Variants in CSMD1 observed in about 807,000 individuals in gnomAD.
CSMD1 encodes the protein CUB and sushi domain-containing protein 1.
CSMD1 carries 213 observed loss-of-function variants against 417.5 expected under a neutral mutation model. The observed-to-expected ratio is 0.51, with a 90% confidence interval of 0.46 to 0.57. The LOEUF (loss-of-function observed/expected upper bound fraction) is 0.57. Among genes scored for constraint, CSMD1 ranks in the 20% least tolerant of loss-of-function variants. The pLI is 0.00. For synonymous variants in CSMD1, 2,862 were observed against 1,736.8 expected (o/e 1.65, Z -16.11); for missense variants, 6,923 against 4,529.7 (o/e 1.53, Z -15.17).
intron 2 of CSMD1, among the ~76,000 whole-genome samples, chr8:4,525,512 T>C (rs1460302911): frequency 2.0e-5 from 3 of 152,310 alleles, no homozygotes; most frequent in Middle Eastern, 6.8e-3. Flanking sequence ...GCCATTCCTC[T>C]AGTAAAACAG....
intron 37 of CSMD1, among the ~76,000 whole-genome samples, chr8:3,164,193 T>A (rs969114072): frequency 6.6e-6 from 1 of 152,194 alleles, no homozygotes; most frequent in African/African-American, 2.4e-5. Flanking sequence ...CAGGTCAGAA[T>A]GGAAAGCAGT....
At chr8:4,363,459 T>C (rs1208275509) in intron 3 of CSMD1, among the ~76,000 whole-genome samples, 1 of 152,204 alleles carries the variant, frequency 6.6e-6, no homozygotes, top group Non-Finnish European at 1.5e-5. Context: ...TTTCCAGCTC[T>C]ATCTTCCCCA....
intron 5 of CSMD1, among the ~76,000 whole-genome samples, chr8:3,915,728 C>G (rs1414630268): frequency 1.3e-5 from 2 of 150,618 alleles, no homozygotes; most frequent in Non-Finnish European, 2.9e-5. Flanking sequence ...GTTAATTTAG[C>G]TAGCAGCTCA....
intron 1 of CSMD1, among the ~76,000 whole-genome samples, chr8:4,714,406 G>C (rs1031233291): frequency 2.0e-5 from 3 of 152,198 alleles, no homozygotes; most frequent in East Asian, 3.9e-4. Context: ...TCAACTGAAA[G>C]ACAAAAATAA....
At chr8:4,577,842 C>G (rs1035706660) in intron 2 of CSMD1, among the ~76,000 whole-genome samples, 52 of 152,220 alleles carry the variant, frequency 3.4e-4, no homozygotes, top group African/African-American at 1.3e-3. Flanking sequence ...TTTTCCCTGG[C>G]ACATAGCAGA....
chr8:3,524,520 C>T (rs1009056931), intron 10 of CSMD1, among the ~76,000 whole-genome samples: 1 of 151,254 alleles, frequency 6.6e-6, no homozygotes, highest in Non-Finnish European at 1.5e-5. Context: ...TGCACACATG[C>T]AAAGACATAC....
chr8:3,210,936 G>C (rs942748179), intron 30 of CSMD1, among the ~76,000 whole-genome samples: 12 of 151,798 alleles, frequency 7.9e-5, no homozygotes, highest in African/African-American at 2.9e-4. Flanking sequence ...CCTCACACTA[G>C]ACTCTATATA....
At chr8:4,648,021 C>G (rs930699005) in intron 1 of CSMD1, among the ~76,000 whole-genome samples, 1 of 152,302 alleles carries the variant, frequency 6.6e-6, no homozygotes, top group East Asian at 1.9e-4. Context: ...AACTAATTTC[C>G]ATTCCCACCA....
At chr8:3,139,971 T>G (rs1818335244) in intron 41 of CSMD1, among the ~76,000 whole-genome samples, 1 of 150,650 alleles carries the variant, frequency 6.6e-6, no homozygotes, top group South Asian at 2.1e-4. Flanking sequence ...GGTGTGATCT[T>G]GGCTCACTGC....
chr8:4,559,554 T>C (rs896663371), intron 2 of CSMD1, among the ~76,000 whole-genome samples: 7 of 152,200 alleles, frequency 4.6e-5, no homozygotes, highest in African/African-American at 1.7e-4. Flanking sequence ...TCACTTTTGT[T>C]GTGTGTGTAA....
At chr8:4,642,369 C>T (rs975546801) in intron 1 of CSMD1, among the ~76,000 whole-genome samples, 54 of 152,248 alleles carry the variant, frequency 3.5e-4, no homozygotes, top group African/African-American at 1.2e-3. Flanking sequence ...ATGAACTAAC[C>T]CCTCCACTCT....
At chr8:3,501,486 T>C (rs781135091) in intron 10 of CSMD1, among the ~76,000 whole-genome samples, 4 of 152,202 alleles carry the variant, frequency 2.6e-5, no homozygotes, top group Admixed American at 6.5e-5. Flanking sequence ...CAGCACAATA[T>C]AAATCAGTAC....
chr8:4,333,448 C>G (rs867264116), intron 3 of CSMD1, among the ~76,000 whole-genome samples: 35 of 152,130 alleles, frequency 2.3e-4, no homozygotes, highest in African/African-American at 8.2e-4. Context: ...GTTGTCTTCT[C>G]TGAGCCTCAG....
At chr8:4,460,619 G>A (rs1799754939) in intron 2 of CSMD1, among the ~76,000 whole-genome samples, 1 of 152,104 alleles carries the variant, frequency 6.6e-6, no homozygotes, top group South Asian at 2.1e-4. Flanking sequence ...GGGAAAAAAA[G>A]GTAGAGAATA....
At chr8:3,334,964 C>T (rs1272864615) in intron 23 of CSMD1, among the ~76,000 whole-genome samples, 7 of 152,200 alleles carry the variant, frequency 4.6e-5, no homozygotes, top group East Asian at 1.9e-4. Context: ...TTCTCCAAAA[C>T]ACAACTCTTG....
intron 1 of CSMD1, among the ~76,000 whole-genome samples, chr8:4,730,109 C>A (rs560007144): frequency 6.6e-6 from 1 of 152,026 alleles, no homozygotes; most frequent in Non-Finnish European, 1.5e-5. Flanking sequence ...TTTTCGTCTC[C>A]GCACTTAGAA....
At chr8:3,632,293 C>G (rs1030099595) in intron 7 of CSMD1, among the ~76,000 whole-genome samples, 1 of 152,044 alleles carries the variant, frequency 6.6e-6, no homozygotes, top group African/African-American at 2.4e-5. Flanking sequence ...TGGAGGCATT[C>G]TTCCATCTCA....
chr8:4,834,349 C>T (rs914015457), intron 1 of CSMD1, among the ~76,000 whole-genome samples: 5 of 152,054 alleles, frequency 3.3e-5, no homozygotes, highest in African/African-American at 1.2e-4. Flanking sequence ...GGCAAGAACG[C>T]ATCATCTGTA....
chr8:3,126,098 T>A (rs1817495191), intron 41 of CSMD1, among the ~76,000 whole-genome samples: 1 of 152,164 alleles, frequency 6.6e-6, no homozygotes, highest in Non-Finnish European at 1.5e-5. Context: ...GTGACCTGAG[T>A]TCAGCCTGGT....
Sources: gnomAD v4.1 joint callset for allele counts (sites outside exome capture counted in the v4.1 genomes callset) on GRCh38, gnomAD v4.1.1 for gene constraint, MANE v1.5 for transcripts, NCBI Gene and HGNC (gene_info 2026-07-23, HGNC 2026-07-21) for gene names.